PAM: variants seen among roughly 807,000 people sequenced by gnomAD.
PAM encodes peptidyl-glycine alpha-amidating monooxygenase.
PAM carries 72 observed loss-of-function variants against 122.1 expected under a neutral mutation model. The observed-to-expected ratio is 0.59, with a 90% CI of 0.49 to 0.72. The LOEUF is 0.72. Among genes scored for constraint, PAM ranks in the 30% least tolerant of loss-of-function variants. The pLI is 0.00. For missense variants in PAM, 1,106 were observed against 1,183.7 expected (o/e 0.93, Z 0.96); for synonymous variants, 389 against 404.4 (o/e 0.96, Z 0.46).
Position 102,963,427 on chromosome 5 carries a change from T to C in PAM, c.1162+2198T>C, listed in dbSNP as rs181985711. 2.6e-5 allele frequency among the ~76,000 whole-genome samples: 4 copies of C among 152,132 alleles called. No homozygotes were observed. The East Asian group carries it at 7.7e-4, about 29-fold the overall frequency. On this transcript the variant is annotated intron_variant, in intron 14 of 25. Coordinates refer to ENST00000438793, the MANE Select transcript of PAM (RefSeq NM_001177306.2). Reference sequence around the variant, plus strand: ...TAGCTAATAAGGGGGCTTTAATTATTCAAATAAATTATGCCATGTATGTTA... The same window carrying C: ...TAGCTAATAAGGGGGCTTTAATTATCCAAATAAATTATGCCATGTATGTTA...
chr5:102,949,072 A>T (rs917499989), intron 9 of PAM, among the ~76,000 whole-genome samples: 24 of 152,242 alleles, frequency 1.6e-4, no homozygotes, highest in African/African-American at 5.5e-4. Flanking sequence ...CATCTATTAT[A>T]AAATGAATAT....
intron 1 of PAM, among the ~76,000 whole-genome samples, chr5:102,863,487 T>C (rs1388161276): frequency 6.6e-6 from 1 of 152,168 alleles, no homozygotes; most frequent in Non-Finnish European, 1.5e-5. Flanking sequence ...AGTACTCATA[T>C]AGAATACTAC....
At chr5:102,933,044 C>T (rs971961922) in intron 7 of PAM, among the ~76,000 whole-genome samples, 1 of 152,150 alleles carries the variant, frequency 6.6e-6, no homozygotes, top group Non-Finnish European at 1.5e-5. Context: ...GAGTTCCCGT[C>T]CAGTGAGCAT....
chr5:102,836,015 C>T (rs1776917597), intron 1 of PAM, among the ~76,000 whole-genome samples: 1 of 152,090 alleles, frequency 6.6e-6, no homozygotes. Context: ...ACTTGAATTG[C>T]GTTCTCGAAT....
Position 102,949,938 on chromosome 5 carries a change from A to G in PAM, c.761A>G (p.Gln254Arg). 1.9e-6 allele frequency: 3 copies of G among 1,592,164 alleles called. No homozygotes were observed. The highest frequency in any genetic ancestry group is 1.1e-5 in the South Asian group (1 of 90,316). ...VVSGYRVRNG[Q>R]WTLIGRQSPQ... ...AGTGGATACAGAGTAAGAAATGGAC[A>G]GTGGACACTGATTGGACGGCAGAGC... Residue 254 changes from glutamine to arginine, a missense_variant, in exon 11 of 26, where the codon CAG (glutamine) becomes CGG (arginine). Transcript: ENST00000438793.
At chr5:102,841,593 A>C (rs1222154493) in intron 1 of PAM, among the ~76,000 whole-genome samples, 2 of 152,200 alleles carry the variant, frequency 1.3e-5, no homozygotes, top group African/African-American at 4.8e-5. Context: ...TTTCTGGAGC[A>C]TTCCCAACCA....
chr5:102,891,836 A>G (rs114806045), intron 3 of PAM, among the ~76,000 whole-genome samples: 71 of 152,000 alleles, frequency 4.7e-4, no homozygotes, highest in African/African-American at 1.7e-3. Context: ...ACAGGTCAAT[A>G]CATTGAAATG....
At chr5:102,970,048 C>T (rs1765339152) in intron 14 of PAM, among the ~76,000 whole-genome samples, 1 of 152,124 alleles carries the variant, frequency 6.6e-6, no homozygotes, top group Admixed American at 6.5e-5. Flanking sequence ...AACAGGGCTA[C>T]AGCCTCCCAG....
chr5:102,962,929 CAT>C (rs1762928830), intron 14 of PAM, among the ~76,000 whole-genome samples: 1 of 151,566 alleles, frequency 6.6e-6, no homozygotes, highest in Admixed American at 6.6e-5. Flanking sequence ...TCTATGGACA[CAT>C]AAGAAATTAT....
At chr5:102,922,301 G>A (rs1411422819) in intron 5 of PAM, among the ~76,000 whole-genome samples, 1 of 152,062 alleles carries the variant, frequency 6.6e-6, no homozygotes, top group Non-Finnish European at 1.5e-5. Flanking sequence ...GATGGGGGTC[G>A]GAGAACACTT....
intron 5 of PAM, among the ~76,000 whole-genome samples, chr5:102,916,842 C>T (rs1015691528): frequency 6.6e-6 from 1 of 151,306 alleles, no homozygotes; most frequent in Admixed American, 6.6e-5. Flanking sequence ...AAGCAATTCT[C>T]CTGCCTCAGC....
chr5:102,876,548 T>C (rs115783169), intron 3 of PAM, among the ~76,000 whole-genome samples: 24 of 152,286 alleles, frequency 1.6e-4, no homozygotes, highest in African/African-American at 5.8e-4. Context: ...TTATAAATAG[T>C]GTCATAGATA....
At chr5:102,901,448 A>T (rs1415760010) in intron 4 of PAM, 35 bp downstream of exon 4, 1 of 1,143,804 alleles carries the variant, frequency 8.7e-7, no homozygotes, top group African/African-American at 1.5e-5. Flanking sequence ...GTAGCAGTTT[A>T]ATGGAGGGCA....
intron 3 of PAM, among the ~76,000 whole-genome samples, chr5:102,880,914 A>C (rs996230037): frequency 3.3e-5 from 5 of 152,110 alleles, no homozygotes; most frequent in Admixed American, 6.5e-5. Context: ...AGCATTTCTT[A>C]AATGCCAAAA....
chr5:102,980,450 G>T (rs1267577848), intron 15 of PAM, among the ~76,000 whole-genome samples: 4 of 152,074 alleles, frequency 2.6e-5, no homozygotes. Flanking sequence ...CCCTGAAATT[G>T]AGGCCTAAAG....
chr5:102,806,053 T>A lies in PAM; in HGVS notation c.-374+50705T>A, dbSNP rs573540575. ...TGCTCTTTTTGAAATGGTACCTTTT[T>A]AAAAAAACATCTAACAAAGCAGCTT... On this transcript the variant is annotated intron_variant, in intron 1 of 25. Transcript: ENST00000438793. 7.2e-5 allele frequency among the ~76,000 whole-genome samples: 11 copies of A among 152,224 alleles called. No homozygotes were observed. The South Asian group carries it at 2.3e-3, about 32-fold the overall frequency.
chr5:102,779,252 GTA>G (rs1197166871), intron 1 of PAM, among the ~76,000 whole-genome samples: 1 of 149,144 alleles, frequency 6.7e-6, no homozygotes, highest in Non-Finnish European at 1.5e-5. Context: ...ATATATATAT[GTA>G]TATATATAAT....
chr5:102,810,782 C>T (rs999085250), intron 1 of PAM, among the ~76,000 whole-genome samples: 1 of 151,992 alleles, frequency 6.6e-6, no homozygotes, highest in Non-Finnish European at 1.5e-5. Flanking sequence ...GAGCCGAGAT[C>T]GCGCCATTGC....
At chr5:102,975,095 C>T (rs1174178788) in intron 15 of PAM, among the ~76,000 whole-genome samples, 1 of 152,172 alleles carries the variant, frequency 6.6e-6, no homozygotes, top group African/African-American at 2.4e-5. Flanking sequence ...GTTTCCGTAC[C>T]AGCAAGCTAT....
Sources: allele counts gnomAD v4.1 joint callset (sites outside exome capture counted in the v4.1 genomes callset), GRCh38; gene constraint gnomAD v4.1.1; transcripts MANE v1.5; gene names NCBI Gene and HGNC (gene_info 2026-07-23, HGNC 2026-07-21).